Variants in TSBP1 observed in about 807,000 individuals in gnomAD.
The protein encoded by TSBP1 is testis expressed basic protein 1.
In TSBP1, 56 loss-of-function variants were observed where a neutral mutation model predicts 68.8. The observed-to-expected ratio is 0.81, with a 90% CI of 0.66 to 1.02. TSBP1 has a LOEUF of 1.02. Among genes scored for constraint, TSBP1 ranks in the 50% least tolerant of loss-of-function variants. The pLI is 0.00. For missense variants in TSBP1, 502 were observed against 641.2 expected (o/e 0.78, Z 2.34); for synonymous variants, 171 against 208.7 (o/e 0.82, Z 1.56).
chr6:32,302,477 CCAAACAAACCAAAAAACACAAAAACCCAG>C lies in TSBP1; in HGVS notation c.601+103_601+131del. ...TCAGAACAAAACAAAACCAAAAACA[CCAAACAAACCAAAAAACACAAAAACCCAG>C]CAAACAAAAACAAACATAAAACATT... is the stretch of plus-strand genomic sequence containing the variant. On this transcript the variant is annotated intron_variant, in intron 20 of 22. Coordinates refer to ENST00000612031, the Ensembl canonical transcript of TSBP1. This position sits in a 1 kb window ranked among gnomAD's most constrained non-coding sequence, Gnocchi z 5.1. 1 of 719,266 alleles carries C rather than the reference CCAAACAAACCAAAAAACACAAAAACCCAG, an allele frequency of 1.4e-6. No individual in the cohort carries two copies. The highest frequency in any genetic ancestry group is 1.8e-5 in the African/African-American group (1 of 54,552). The allele number at this position is 719,266 out of a possible 1,614,324, so 44.6% of individuals were successfully genotyped here.
rs1189152861 is a variant in TSBP1, at chr6:32,333,027, T to C, written c.473-973A>G. On this transcript the variant is annotated intron_variant, in intron 14 of 22. Coordinates refer to ENST00000612031, the Ensembl canonical transcript of TSBP1. This position sits in a 1 kb window ranked among gnomAD's most constrained non-coding sequence, Gnocchi z 4.2. The stretch of plus-strand genomic sequence containing the variant: ...GTTTTTTTTGTTGTTGTTTTTTTTT[T>C]AGACAGAGTCTTACTCTGTCGCCCA... Among the ~76,000 whole-genome samples, 5 of 150,358 alleles carry C rather than the reference T, an allele frequency of 3.3e-5. No homozygotes were observed. The highest frequency in any genetic ancestry group is 7.4e-5 in the Non-Finnish European group (5 of 67,480).
intron 9 of TSBP1, among the ~76,000 whole-genome samples, chr6:32,342,217 G>A (rs1770458368): frequency 6.7e-6 from 1 of 148,564 alleles, no homozygotes; most frequent in Non-Finnish European, 1.5e-5. Flanking sequence ...CAGGTTGGAT[G>A]GCAGTGTTGC....
At chr6:32,339,172 G>A (rs1770031882) in intron 10 of TSBP1, among the ~76,000 whole-genome samples, 173 bp from the exon 12 acceptor site, 1 of 152,090 alleles carries the variant, frequency 6.6e-6, no homozygotes, top group Non-Finnish European at 1.5e-5. Flanking sequence ...CATACTCCCT[G>A]CAGTTATTTT....
At chr6:32,368,583 C>T (rs1774025344) in intron 3 of TSBP1, among the ~76,000 whole-genome samples, 199 bp downstream of exon 3, 1 of 152,104 alleles carries the variant, frequency 6.6e-6, no homozygotes, top group Admixed American at 6.6e-5. Flanking sequence ...TTAATTCTCC[C>T]CAACTCCAGT....
At chr6:32,356,101 A>C (rs979510310) in intron 6 of TSBP1, among the ~76,000 whole-genome samples, 1 of 152,196 alleles carries the variant, frequency 6.6e-6, no homozygotes, top group African/African-American at 2.4e-5. Flanking sequence ...GATGTCATGG[A>C]AACAGACTTT....
At chr6:32,344,095 ATTT>A (rs1333196587) in intron 9 of TSBP1, among the ~76,000 whole-genome samples, 7 of 151,590 alleles carry the variant, frequency 4.6e-5, no homozygotes, top group Admixed American at 3.9e-4. Flanking sequence ...AATTTAATTT[ATTT>A]ATTTATTTTA....
Position 32,321,502 on chromosome 6 carries a change from TATTCCCAAACATGGGC to T in TSBP1, c.559+1599_559+1614del, listed in dbSNP as rs1767632372. Among the ~76,000 whole-genome samples the T allele has an allele frequency of 6.6e-6, 1 of 152,204 alleles. No homozygotes were observed. Among genetic ancestry groups the T allele is most frequent in the African/African-American group, 2.4e-5 (1 of 41,444 alleles). Reference sequence around the variant, plus strand: ...GGTCCCTGTGCCCAATTATAGGGCCTATTCCCAAACATGGGCATATGGATTTTGCAGCCTCATCTCT... The same window carrying T: ...GGTCCCTGTGCCCAATTATAGGGCCTATATGGATTTTGCAGCCTCATCTCT... On this transcript the variant is annotated intron_variant, in intron 18 of 22. Coordinates refer to ENST00000612031, the Ensembl canonical transcript of TSBP1. The surrounding 1 kb of genome is among the most constrained non-coding windows in gnomAD (Gnocchi z 4.3).
rs749185742 is a variant in TSBP1, at chr6:32,355,118, A to C, written c.259+6T>G. The C allele has an allele frequency of 1.2e-6, 2 of 1,611,186 alleles. No individual in the cohort carries two copies. The highest frequency in any genetic ancestry group is 2.2e-5 in the East Asian group (1 of 44,842). ...TAGAATTGAAAGAAAACCACAAAGC[A>C]CTTACCTAGAGAGTTGGTTGATGGT... On this transcript the variant is annotated splice_donor_region_variant and intron_variant, in intron 8 of 22. Transcript: ENST00000612031.
At position 32,371,730 on chromosome 6, in the gene TSBP1, GTCTCGCATCA is replaced by G; in HGVS notation, c.-34_-25del. 1 of 1,613,686 alleles carries G rather than the reference GTCTCGCATCA, an allele frequency of 6.2e-7. No individual in the cohort carries two copies. Among genetic ancestry groups the G allele is most frequent in the Non-Finnish European group, 8.5e-7 (1 of 1,179,656 alleles). The stretch of plus-strand genomic sequence containing the variant: ...ATTTTCCATGTATTGTCTTCATCAG[GTCTCGCATCA>G]TCTGGATTTCTTTGTCAGAGAGAGA... On this transcript the variant is annotated 5_prime_UTR_variant, in exon 1 of 23. An upstream start codon of the reference 5' UTR is lost. Transcript: ENST00000612031.
exon 1 of TSBP1, chr6:32,371,787 A>C: frequency 7.1e-6 from 11 of 1,551,526 alleles, no homozygotes; most frequent in Non-Finnish European, 8.9e-6. Flanking sequence ...CGAAAAACTC[A>C]AGTTCACTGT....
chr6:32,297,630 G>C (rs535228286), intron 22 of TSBP1, among the ~76,000 whole-genome samples: 4 of 152,192 alleles, frequency 2.6e-5, no homozygotes, highest in Admixed American at 1.3e-4. Flanking sequence ...CATTTTAAAA[G>C]ATCATATACT....
exon 23 of TSBP1, chr6:32,293,713 T>C (rs1764407160): frequency 4.3e-6 from 7 of 1,612,882 alleles, no homozygotes; most frequent in Non-Finnish European, 5.9e-6. Flanking sequence ...TTATTTGGGC[T>C]CCCTGTCCTT....
chr6:32,300,602 C>A lies in TSBP1; in HGVS notation c.622+78G>T. On this transcript the variant is annotated intron_variant, in intron 21 of 22. Transcript: ENST00000612031. ...TGCTGTAAGGTAGAGGAACTCGTAA[C>A]ACAAGAACATTTGGGAAAAAGAACT... 3 of 1,291,738 alleles carry A rather than the reference C, an allele frequency of 2.3e-6. No homozygotes were observed. In the Admixed American group the frequency reaches 5.0e-5, roughly 22 times the overall value. 80.0% of individuals were successfully genotyped at this position (1,291,738 alleles called of 1,614,324 possible). A position where few individuals can be genotyped will look rare whatever the true frequency, so the allele number is the denominator to read the frequency against.
chr6:32,364,199 C>T (rs979301457), intron 6 of TSBP1, among the ~76,000 whole-genome samples: 3 of 152,084 alleles, frequency 2.0e-5, no homozygotes, highest in African/African-American at 4.8e-5. Context: ...GAGAAGTCTT[C>T]TTTGGGTTAA....
chr6:32,343,071 A>G lies in TSBP1; in HGVS notation c.350-3433T>C, dbSNP rs185268917. ...AGGGGGAAATGTGAGAAAGGTGGGC[A>G]TGATCCAGTTAAGATGGCTAATGAA... On this transcript the variant is annotated intron_variant, in intron 9 of 22. Transcript: ENST00000612031. The surrounding 1 kb of genome is among the most constrained non-coding windows in gnomAD (Gnocchi z 4.3). 1.0e-3 allele frequency among the ~76,000 whole-genome samples: 154 copies of G among 152,320 alleles called. No homozygotes were observed. The highest frequency in any genetic ancestry group is 3.2e-3 in the African/African-American group (131 of 41,572).
intron 1 of TSBP1, 112 bp from the exon 2 acceptor site, chr6:32,370,095 T>C: frequency 1.4e-6 from 1 of 710,292 alleles, no homozygotes; most frequent in Non-Finnish European, 2.5e-6. Flanking sequence ...CTTTCCCCTT[T>C]CTGCTACTTC....
intron 6 of TSBP1, among the ~76,000 whole-genome samples, chr6:32,360,416 G>C (rs1772870424): frequency 6.6e-6 from 1 of 151,952 alleles, no homozygotes; most frequent in Non-Finnish European, 1.5e-5. Flanking sequence ...GTGTGTGTCT[G>C]TGTATCACAT....
At chr6:32,317,088 A>G (rs1296509417) in intron 18 of TSBP1, among the ~76,000 whole-genome samples, 3 of 152,212 alleles carry the variant, frequency 2.0e-5, no homozygotes, top group African/African-American at 7.2e-5. Flanking sequence ...GCAAAACAGT[A>G]TGGCACTAGT....
chr6:32,349,320 T>C (rs1277502816), intron 9 of TSBP1, among the ~76,000 whole-genome samples: 1 of 151,998 alleles, frequency 6.6e-6, no homozygotes, highest in Non-Finnish European at 1.5e-5. Context: ...ATCTCTTCCA[T>C]TGCTGCCAGC....
Sources: gnomAD v4.1 joint callset for allele counts (sites outside exome capture counted in the v4.1 genomes callset) on GRCh38, gnomAD v4.1.1 for gene constraint, Gnocchi (gnomAD v3.1) non-coding constraint, MANE v1.5 for transcripts, NCBI Gene and HGNC (gene_info 2026-07-23, HGNC 2026-07-21) for gene names.